PABPC4L: variants seen among roughly 807,000 people sequenced by gnomAD.
PABPC4L encodes the protein poly(A) binding protein cytoplasmic 4 like.
For missense variants in PABPC4L, 452 were observed against 451.4 expected, an observed-to-expected ratio of 1.00 and a Z score of -0.01; for synonymous variants, 169 against 164.1, an observed-to-expected ratio of 1.03 and a Z score of -0.23.
the PABPC4L span, among the ~76,000 whole-genome samples, chr4:133,954,463 A>G: frequency 2.0e-5 from 3 of 152,106 alleles, no homozygotes; most frequent in Non-Finnish European, 4.4e-5. Context: ...AGACTTATGA[A>G]TGGGATCTTT....
At chr4:134,112,151 G>T in the PABPC4L span, among the ~76,000 whole-genome samples, 1 of 151,744 alleles carries the variant, frequency 6.6e-6, no homozygotes, top group Non-Finnish European at 1.5e-5. Flanking sequence ...TTAACAACAG[G>T]TCACATTATT....
the PABPC4L span, among the ~76,000 whole-genome samples, chr4:134,167,002 G>C: frequency 6.6e-6 from 1 of 151,998 alleles, no homozygotes; most frequent in African/African-American, 2.4e-5. Context: ...TCTGTTCTTG[G>C]CTTAAGTGTT....
chr4:134,190,159 AG>A, the PABPC4L span, among the ~76,000 whole-genome samples: 1 of 152,146 alleles, frequency 6.6e-6, no homozygotes, highest in Non-Finnish European at 1.5e-5. Context: ...GTTACCATAC[AG>A]GTTTCTGCTT....
the PABPC4L span, among the ~76,000 whole-genome samples, chr4:133,975,611 C>T: frequency 3.3e-5 from 5 of 152,020 alleles, no homozygotes; most frequent in Admixed American, 3.3e-4. Flanking sequence ...ACTTTGAGGA[C>T]TGTATGGTCT....
the PABPC4L span, among the ~76,000 whole-genome samples, chr4:134,018,850 A>G: frequency 6.6e-6 from 1 of 152,120 alleles, no homozygotes; most frequent in East Asian, 1.9e-4. Context: ...CTTCAAATTT[A>G]TTTCTTAAAG....
At chr4:134,184,252 A>T in the PABPC4L span, among the ~76,000 whole-genome samples, 1 of 151,992 alleles carries the variant, frequency 6.6e-6, no homozygotes, top group South Asian at 2.1e-4. Flanking sequence ...TAAACTTTTC[A>T]ATAAACAGTA....
the PABPC4L span, among the ~76,000 whole-genome samples, chr4:134,050,886 T>A: frequency 0.016 from 1,606 of 100,528 alleles, 21 homozygotes; most frequent in African/African-American, 0.043. Flanking sequence ...CTTTATTTTT[T>A]TTTTTTTTTT....
In PABPC4L at chr4:134,196,389, T is replaced by G. The variant is rs1328995252; in HGVS notation, c.*3518A>C. The G allele has an allele frequency of 6.6e-6, 1 of 151,768 alleles. No homozygotes were observed. Among genetic ancestry groups the G allele is most frequent in the Non-Finnish European group, 1.5e-5 (1 of 67,696 alleles). The allele number at this position is 151,768 out of a possible 1,614,324, so 9.4% of individuals were successfully genotyped here. A position where few individuals can be genotyped will look rare whatever the true frequency, so the allele number is the denominator to read the frequency against. The stretch of plus-strand genomic sequence containing the variant: ...CATTTTCTCAGTGGATCTATAACAA[T>G]ATTGAGAACATGAAAATGACAATAT... On this transcript the variant is annotated 3_prime_UTR_variant, in exon 2 of 2. Coordinates refer to ENST00000421491, the MANE Select transcript of PABPC4L (RefSeq NM_001114734.2).
At chr4:134,030,178 A>G in the PABPC4L span, among the ~76,000 whole-genome samples, 320 of 152,060 alleles carry the variant, frequency 2.1e-3, 1 homozygote, top group African/African-American at 7.2e-3. Context: ...ATAAATTGGT[A>G]CTGGGTGGGG....
the PABPC4L span, among the ~76,000 whole-genome samples, chr4:134,186,606 A>G: frequency 1.6e-4 from 24 of 152,158 alleles, no homozygotes; most frequent in African/African-American, 5.8e-4. Flanking sequence ...AAAACCTATG[A>G]AATACCATTC....
chr4:134,127,264 C>T, the PABPC4L span, among the ~76,000 whole-genome samples: 2 of 152,036 alleles, frequency 1.3e-5, no homozygotes, highest in South Asian at 4.1e-4. Flanking sequence ...CCACCTGACC[C>T]TAGGGCAAGC....
chr4:134,142,993 T>G, the PABPC4L span, among the ~76,000 whole-genome samples: 2 of 151,556 alleles, frequency 1.3e-5, no homozygotes, highest in African/African-American at 2.4e-5. Context: ...CTTTATCAAT[T>G]TGACATAATT....
At chr4:133,993,103 G>C in the PABPC4L span, among the ~76,000 whole-genome samples, 1 of 151,996 alleles carries the variant, frequency 6.6e-6, no homozygotes, top group African/African-American at 2.4e-5. Context: ...TAAAACTGCA[G>C]GTTTTATGTC....
chr4:134,014,087 C>T, the PABPC4L span, among the ~76,000 whole-genome samples: 1 of 152,124 alleles, frequency 6.6e-6, no homozygotes, highest in Non-Finnish European at 1.5e-5. Context: ...CAGTCCAGTT[C>T]ATGGCTCATT....
At chr4:134,021,737 A>T in the PABPC4L span, among the ~76,000 whole-genome samples, 1 of 152,128 alleles carries the variant, frequency 6.6e-6, no homozygotes. Context: ...CATACTTAAA[A>T]ATGAGCCACC....
chr4:133,969,961 C>G, the PABPC4L span, among the ~76,000 whole-genome samples: 1 of 151,612 alleles, frequency 6.6e-6, no homozygotes, highest in South Asian at 2.1e-4. Context: ...TCTGATCTTT[C>G]TCAAATCAAT....
At chr4:134,007,179 T>A in the PABPC4L span, among the ~76,000 whole-genome samples, 1 of 151,868 alleles carries the variant, frequency 6.6e-6, no homozygotes, top group Non-Finnish European at 1.5e-5. Context: ...AGACTAAGCA[T>A]AAGATATGAG....
the PABPC4L span, among the ~76,000 whole-genome samples, chr4:133,951,748 G>A: frequency 2.0e-5 from 3 of 152,044 alleles, no homozygotes; most frequent in African/African-American, 7.2e-5. Context: ...GTCCCCTATG[G>A]GGACCATTAA....
chr4:134,111,646 G>A, the PABPC4L span, among the ~76,000 whole-genome samples: 1 of 151,836 alleles, frequency 6.6e-6, no homozygotes, highest in Non-Finnish European at 1.5e-5. Flanking sequence ...GAATCATGGG[G>A]GCCAGTCTTT....
Sources: allele counts gnomAD v4.1 joint callset (sites outside exome capture counted in the v4.1 genomes callset), GRCh38; gene constraint gnomAD v4.1.1; transcripts MANE v1.5; gene names NCBI Gene and HGNC (gene_info 2026-07-23, HGNC 2026-07-21).